Variants in SBSPON observed in about 807,000 individuals in gnomAD.
SBSPON encodes the protein somatomedin B and thrombospondin type 1 domain containing, also known as somatomedin-B and thrombospondin type-1 domain-containing protein.
A neutral mutation model predicts 35.8 loss-of-function variants in SBSPON; 30 were observed. That is an observed-to-expected ratio of 0.84 (90% CI 0.63 to 1.14). The LOEUF (loss-of-function observed/expected upper bound fraction) is 1.14, where lower values mean the gene tolerates loss of function less well. Ranked by LOEUF, SBSPON falls within the 50% of genes most tolerant of loss-of-function variation. The pLI is 0.00. For missense variants in SBSPON, 364 were observed against 357.7 expected (o/e 1.02, Z -0.14); for synonymous variants, 136 against 135.9 (o/e 1.00, Z 0.00).
In SBSPON at chr8:73,067,053, T is replaced by A. The variant is rs1296696214; in HGVS notation, c.*288A>T. ...GTAATTTTACTTTAGCAAACAGACA[T>A]GTATTCTGTGTCTCACGGGCCACCT... On this transcript the variant is annotated 3_prime_UTR_variant, in exon 5 of 5. Transcript: ENST00000297354. 1.9e-5 allele frequency: 5 copies of A among 256,844 alleles called. No homozygotes were observed. The highest frequency in any genetic ancestry group is 3.0e-5 in the Non-Finnish European group (4 of 132,474). The allele number at this position is 256,844 out of a possible 1,614,324, so 15.9% of individuals were successfully genotyped here. A position where few individuals can be genotyped will look rare whatever the true frequency, so the allele number is the denominator to read the frequency against.
At chr8:73,075,281 T>G (rs971432085) in intron 2 of SBSPON, among the ~76,000 whole-genome samples, 4 of 152,230 alleles carry the variant, frequency 2.6e-5, no homozygotes, top group Admixed American at 6.5e-5. Context: ...GCCTTGGGCT[T>G]GGTGGTGGCA....
rs769644995 is a variant in SBSPON, at chr8:73,070,031, A to G, written c.501-50T>C. ...CACTTGCTGTAATGAGCAGTGGCCT[A>G]AAGCTGTAGAAAGTCTTAGAAAGCC... On this transcript the variant is annotated intron_variant, in intron 3 of 4. Transcript: ENST00000297354. 6.6e-6 allele frequency: 8 copies of G among 1,215,148 alleles called. No individual in the cohort carries two copies. The Admixed American group carries it at 1.7e-4, about 26-fold the overall frequency. 75.3% of individuals were successfully genotyped at this position (1,215,148 alleles called of 1,614,324 possible). A position where few individuals can be genotyped will look rare whatever the true frequency, so the allele number is the denominator to read the frequency against.
At chr8:73,073,677 C>T (rs1810538191) in intron 2 of SBSPON, among the ~76,000 whole-genome samples, 1 of 151,960 alleles carries the variant, frequency 6.6e-6, no homozygotes, top group African/African-American at 2.4e-5. Context: ...GATTTTGTGG[C>T]ATTCGGCCAT....
rs1277213655 is a variant in SBSPON at position 73,093,016 on chromosome 8, C to T, written c.52G>A (p.Ala18Thr). 1.4e-6 allele frequency: 2 copies of T among 1,425,906 alleles called. No individual in the cohort carries two copies. Among genetic ancestry groups the T allele is most frequent in the Admixed American group, 3.6e-5 (1 of 28,104 alleles). 88.3% of individuals were successfully genotyped at this position (1,425,906 alleles called of 1,614,324 possible). Residue 18 changes from alanine (A) to threonine (T), a missense_variant, in exon 1 of 5, where the codon GCC becomes ACC. Coordinates refer to ENST00000297354, the MANE Select transcript of SBSPON (RefSeq NM_153225.4). ...LCALSRLWPGAQAGCAEAGRC... is the reference protein window; with the variant it reads ...LCALSRLWPGTQAGCAEAGRC... ...CCGGCCTCGGCGCAGCCGGCCTGGG[C>T]CCCGGGCCACAGCCGCGACAGCGCG...
intron 2 of SBSPON, among the ~76,000 whole-genome samples, chr8:73,072,336 T>C (rs1198387941): frequency 1.3e-5 from 2 of 151,022 alleles, no homozygotes; most frequent in East Asian, 3.9e-4. Flanking sequence ...TAAAAGCGGA[T>C]GGAAGGAGAG....
At chr8:73,087,481 A>G (rs1274918396) in intron 1 of SBSPON, among the ~76,000 whole-genome samples, 1 of 152,198 alleles carries the variant, frequency 6.6e-6, no homozygotes, top group Non-Finnish European at 1.5e-5. Flanking sequence ...AATTCTGCTA[A>G]GTCAAGTCCA....
intron 1 of SBSPON, among the ~76,000 whole-genome samples, chr8:73,084,106 G>A (rs75740499): frequency 0.054 from 8,275 of 152,286 alleles, 519 homozygotes; most frequent in East Asian, 0.24. Flanking sequence ...CTGAAGGTCT[G>A]GGGGGCACCC....
chr8:73,073,498 G>T (rs542563994), intron 2 of SBSPON, among the ~76,000 whole-genome samples: 13 of 152,032 alleles, frequency 8.6e-5, no homozygotes, highest in Non-Finnish European at 1.6e-4. Context: ...AGTTATTTTT[G>T]TATTACTAGG....
At chr8:73,084,636 C>T (rs910652301) in intron 1 of SBSPON, among the ~76,000 whole-genome samples, 6 of 152,130 alleles carry the variant, frequency 3.9e-5, no homozygotes, top group African/African-American at 1.2e-4. Context: ...ATTCTCCCTA[C>T]ACTGGGCATG....
chr8:73,082,450 G>A (rs1810725894), intron 1 of SBSPON, among the ~76,000 whole-genome samples: 2 of 152,112 alleles, frequency 1.3e-5, no homozygotes, highest in African/African-American at 4.8e-5. Flanking sequence ...CACGGTTTTT[G>A]GAGGACATGT....
rs1466562871 is a variant in SBSPON at position 73,065,105 on chromosome 8, A to C, written c.*2236T>G. 4 of 152,224 alleles carry C rather than the reference A, an allele frequency of 2.6e-5. No homozygotes were observed. Among genetic ancestry groups the C allele is most frequent in the Admixed American group, 2.6e-4 (4 of 15,278 alleles). The allele number at this position is 152,224 out of a possible 1,614,324, so 9.4% of individuals were successfully genotyped here. ...TGCTAAAATTAATAACAAGCTTTTC[A>C]AAACTGTTATTTAACAGTTAACTCC... is the stretch of plus-strand genomic sequence containing the variant. On this transcript the variant is annotated 3_prime_UTR_variant, in exon 5 of 5. Coordinates refer to ENST00000297354, the MANE Select transcript of SBSPON (RefSeq NM_153225.4).
intron 1 of SBSPON, among the ~76,000 whole-genome samples, chr8:73,092,215 C>A (rs565254866): frequency 6.6e-6 from 1 of 152,284 alleles, no homozygotes; most frequent in South Asian, 2.1e-4. Flanking sequence ...GAGATAAAAT[C>A]CTTGTCATGC....
chr8:73,088,842 AG>A (rs1810882128), intron 1 of SBSPON, among the ~76,000 whole-genome samples: 1 of 152,216 alleles, frequency 6.6e-6, no homozygotes, highest in African/African-American at 2.4e-5. Context: ...GTCTGAAATC[AG>A]GCACTTCAGA....
In SBSPON at chr8:73,066,362, T is replaced by G. The variant is rs1200345014; in HGVS notation, c.*979A>C. On this transcript the variant is annotated 3_prime_UTR_variant, in exon 5 of 5. Coordinates refer to ENST00000297354, the MANE Select transcript of SBSPON (RefSeq NM_153225.4). The stretch of plus-strand genomic sequence containing the variant: ...TGCCATTTTGCCTCTAGGTCATTGA[T>G]TTTCCAATCATAAAATAAGGAGACT... The G allele has an allele frequency of 6.6e-6, 1 of 152,100 alleles. No individual in the cohort carries two copies. The highest frequency in any genetic ancestry group is 6.5e-5 in the Admixed American group (1 of 15,268). The allele number at this position is 152,100 out of a possible 1,614,324, so 9.4% of individuals were successfully genotyped here.
At chr8:73,086,348 G>A (rs140041747) in intron 1 of SBSPON, among the ~76,000 whole-genome samples, 3 of 152,066 alleles carry the variant, frequency 2.0e-5, no homozygotes, top group Non-Finnish European at 4.4e-5. Context: ...TTTTAGTAGA[G>A]ATGGGGTTTT....
chr8:73,076,194 ACTCCAGTGTC>A (rs1810592102), intron 2 of SBSPON, among the ~76,000 whole-genome samples: 1 of 152,018 alleles, frequency 6.6e-6, no homozygotes. Context: ...ACCTCTCAGA[ACTCCAGTGTC>A]CTCAGGTGTA....
chr8:73,083,947 C>G (rs1810767434), intron 1 of SBSPON: 1 of 152,252 alleles, frequency 6.6e-6, no homozygotes, highest in Admixed American at 6.5e-5. Flanking sequence ...CAGGTTGGGT[C>G]TCCCCAGAAG....
At chr8:73,080,821 A>G (rs937053575) in intron 2 of SBSPON, among the ~76,000 whole-genome samples, 198 bp downstream of exon 2, 1 of 152,204 alleles carries the variant, frequency 6.6e-6, no homozygotes, top group Non-Finnish European at 1.5e-5. Flanking sequence ...AGTGAGGGAA[A>G]GGGAGGCGTC....
intron 1 of SBSPON, among the ~76,000 whole-genome samples, chr8:73,090,798 C>T (rs1446723868): frequency 4.6e-5 from 7 of 152,186 alleles, no homozygotes; most frequent in African/African-American, 1.7e-4. Context: ...CAGCTCTTCT[C>T]TGGGGCACAC....
Sources: allele counts gnomAD v4.1 joint callset (sites outside exome capture counted in the v4.1 genomes callset), GRCh38; gene constraint gnomAD v4.1.1; transcripts MANE v1.5; gene names NCBI Gene and HGNC (gene_info 2026-07-23, HGNC 2026-07-21).